The following MAP4K3 variants were observed in gnomAD, a reference collection of about 807,000 sequenced individuals.
MAP4K3 encodes mitogen-activated protein kinase kinase kinase kinase 3, also known as MAPK/ERK kinase kinase kinase 3.
MAP4K3 carries 94 observed loss-of-function variants against 143.5 expected under a neutral mutation model. The ratio of observed to expected loss-of-function variants is 0.65; its 90% CI spans 0.55 to 0.78. MAP4K3 has a LOEUF of 0.78. Among genes scored for constraint, MAP4K3 ranks in the 30% least tolerant of loss-of-function variants. The pLI is 0.00. For synonymous variants in MAP4K3, 416 were observed against 347.2 expected, an observed-to-expected ratio of 1.20 and a Z score of -2.20; for missense variants, 1,077 against 1,068.1, an observed-to-expected ratio of 1.01 and a Z score of -0.12.
At chr2:39,338,811 C>G (rs529184795) in intron 4 of MAP4K3, among the ~76,000 whole-genome samples, 1 of 152,302 alleles carries the variant, frequency 6.6e-6, no homozygotes, top group Non-Finnish European at 1.5e-5. Context: ...CCTTCCATCT[C>G]TTCTGCCATG....
chr2:39,283,130 T>C (rs1681611979), intron 21 of MAP4K3, among the ~76,000 whole-genome samples: 4 of 152,226 alleles, frequency 2.6e-5, no homozygotes, highest in Admixed American at 1.3e-4. Flanking sequence ...GATGCCTTTA[T>C]TGGTATACTG....
At chr2:39,355,971 T>A (rs1294207909) in intron 3 of MAP4K3, among the ~76,000 whole-genome samples, 1 of 152,230 alleles carries the variant, frequency 6.6e-6, no homozygotes, top group African/African-American at 2.4e-5. Context: ...GAATGGCATA[T>A]TTAGATCGCT....
chr2:39,437,257 G>A lies in MAP4K3; in HGVS notation c.-270C>T, dbSNP rs1056987515. On this transcript the variant is annotated 5_prime_UTR_variant, in exon 1 of 34. The change creates a premature stop within an existing upstream ORF in the 5' untranslated region. Transcript: ENST00000263881. ...GAGAGGAGAACCCTCGCAGCCCCTCGCTCGGGGTGAAACTCCAACATGGCT... is the reference window on the plus strand; with the variant it reads ...GAGAGGAGAACCCTCGCAGCCCCTCACTCGGGGTGAAACTCCAACATGGCT... The A allele has an allele frequency of 1.9e-5, 5 of 262,684 alleles. 1 individual carries two copies. The Admixed American group carries it at 2.2e-4, about 12-fold the overall frequency. 16.3% of individuals were successfully genotyped at this position (262,684 alleles called of 1,614,324 possible).
At chr2:39,319,947 A>T (rs1037267825) in intron 12 of MAP4K3, among the ~76,000 whole-genome samples, 5 of 152,186 alleles carry the variant, frequency 3.3e-5, no homozygotes, top group Admixed American at 2.6e-4. Flanking sequence ...TGAGTTTTTA[A>T]AAGTCCCCAA....
At chr2:39,256,252 ATC>A (rs1680338928) in intron 31 of MAP4K3, among the ~76,000 whole-genome samples, 1 of 152,200 alleles carries the variant, frequency 6.6e-6, no homozygotes, top group Non-Finnish European at 1.5e-5. Flanking sequence ...GCAAAAAATG[ATC>A]TTTTTATCTT....
rs544132780 is a variant in MAP4K3, at chr2:39,432,310, T to C, written c.96+4582A>G. On this transcript the variant is annotated intron_variant, in intron 1 of 33. Coordinates refer to ENST00000263881, the MANE Select transcript of MAP4K3 (RefSeq NM_003618.4). ...TAAGTACTTCCTTTAGGTAATCAGA[T>C]CTGCATCAAAGTCAGAAAACCTGTT... Among the ~76,000 whole-genome samples, 8 of 152,352 alleles carry C rather than the reference T, an allele frequency of 5.3e-5. No homozygotes were observed. In the South Asian group the frequency reaches 1.7e-3, roughly 32 times the overall value.
intron 1 of MAP4K3, among the ~76,000 whole-genome samples, chr2:39,401,501 C>T (rs1666952927): frequency 6.6e-6 from 1 of 152,094 alleles, no homozygotes; most frequent in Admixed American, 6.5e-5. Context: ...AACTGAGCTT[C>T]GAAATAATAC....
At chr2:39,261,468 A>G (rs1368715767) in intron 28 of MAP4K3, among the ~76,000 whole-genome samples, 1 of 152,232 alleles carries the variant, frequency 6.6e-6, no homozygotes, top group Non-Finnish European at 1.5e-5. Flanking sequence ...CGAATGGCTA[A>G]AATTAAAAAG....
chr2:39,337,593 G>T lies in MAP4K3; in HGVS notation c.311-12C>A, dbSNP rs1665004449. The T allele has an allele frequency of 6.3e-7, 1 of 1,590,772 alleles. No individual in the cohort carries two copies. Among genetic ancestry groups the T allele is most frequent in the Non-Finnish European group, 8.6e-7 (1 of 1,159,648 alleles). ...CAGAGGTCCAGTTACTGTAAAAGAA[G>T]ACAATTAATACTCATAAAATTAGTC... On this transcript the variant is annotated splice_polypyrimidine_tract_variant and intron_variant, in intron 4 of 33. Coordinates refer to ENST00000263881, the MANE Select transcript of MAP4K3 (RefSeq NM_003618.4).
chr2:39,408,262 G>C (rs989201889), intron 1 of MAP4K3, among the ~76,000 whole-genome samples: 3 of 152,104 alleles, frequency 2.0e-5, no homozygotes, highest in Non-Finnish European at 4.4e-5. Flanking sequence ...TTTGATATTA[G>C]ACAATGCCCC....
rs1447597423 is a variant in MAP4K3 at position 39,427,139 on chromosome 2, C to T, written c.96+9753G>A. Among the ~76,000 whole-genome samples the T allele has an allele frequency of 3.3e-5, 5 of 151,882 alleles. No individual in the cohort carries two copies. In the East Asian group the frequency reaches 9.6e-4, roughly 29 times the overall value. On this transcript the variant is annotated intron_variant, in intron 1 of 33. Coordinates refer to ENST00000263881, the MANE Select transcript of MAP4K3 (RefSeq NM_003618.4). ...ATATTGACAACAGACTTCTCCACAG[C>T]ACAACAGGTAACCAGAAGACAACAA...
intron 1 of MAP4K3, among the ~76,000 whole-genome samples, chr2:39,433,949 C>G (rs73924013): frequency 0.03 from 4,565 of 152,296 alleles, 231 homozygotes; most frequent in African/African-American, 0.1. Flanking sequence ...CACAACAAAA[C>G]AGCTCTGAGA....
At chr2:39,423,786 T>C (rs765072003) in intron 1 of MAP4K3, among the ~76,000 whole-genome samples, 4 of 152,164 alleles carry the variant, frequency 2.6e-5, no homozygotes, top group South Asian at 2.1e-4. Flanking sequence ...GATGAATAGA[T>C]AGAAAATGGA....
At chr2:39,299,015 T>A (rs1160934975) in intron 16 of MAP4K3, among the ~76,000 whole-genome samples, 2 of 150,120 alleles carry the variant, frequency 1.3e-5, no homozygotes, top group African/African-American at 4.9e-5. Flanking sequence ...ATTAAAATAA[T>A]ATATGCACTG....
At chr2:39,253,784 T>C (rs560319949) in intron 32 of MAP4K3, among the ~76,000 whole-genome samples, 2 of 152,380 alleles carry the variant, frequency 1.3e-5, no homozygotes, top group Non-Finnish European at 2.9e-5. Context: ...CAATTTTACG[T>C]GCTTGTAACA....
intron 4 of MAP4K3, among the ~76,000 whole-genome samples, chr2:39,338,072 C>CT (rs1286832786): frequency 2.0e-5 from 3 of 151,948 alleles, no homozygotes; most frequent in Non-Finnish European, 4.4e-5. Context: ...CAATTTTTTG[C>CT]TTTTTAAAAA....
At chr2:39,336,216 A>G (rs1218018253) in intron 6 of MAP4K3, among the ~76,000 whole-genome samples, 1 of 152,076 alleles carries the variant, frequency 6.6e-6, no homozygotes, top group Non-Finnish European at 1.5e-5. Context: ...TCACGTCTGT[A>G]ATCCTGGCAC....
Position 39,378,059 on chromosome 2 carries a change from A to C in MAP4K3, c.154+7T>G. On this transcript the variant is annotated splice_region_variant and intron_variant, in intron 2 of 33. Transcript: ENST00000263881. ...CAGTAAGAAAAAATGAATTTCAAAC[A>C]ATTTACCTGGTTCCAATTTTATTAC... 1 of 1,544,706 alleles carries C rather than the reference A, an allele frequency of 6.5e-7. No individual in the cohort carries two copies. Among genetic ancestry groups the C allele is most frequent in the South Asian group, 1.2e-5 (1 of 86,532 alleles).
In MAP4K3 at chr2:39,341,361, T is replaced by C. The variant is rs187388867; in HGVS notation, c.310+2027A>G. On this transcript the variant is annotated intron_variant, in intron 4 of 33. Coordinates refer to ENST00000263881, the MANE Select transcript of MAP4K3 (RefSeq NM_003618.4). Reference sequence around the variant, plus strand: ...AGGAAGTTTACCACTAAAATATCACTGAAAAAACTTCAGGAGGCCGGGCGT... The same window carrying C: ...AGGAAGTTTACCACTAAAATATCACCGAAAAAACTTCAGGAGGCCGGGCGT... Among the ~76,000 whole-genome samples the C allele has an allele frequency of 3.3e-4, 50 of 152,166 alleles. 1 individual carries two copies. In the East Asian group the frequency reaches 9.5e-3, roughly 29 times the overall value.
Sources: gnomAD v4.1 joint callset for allele counts (sites outside exome capture counted in the v4.1 genomes callset) on GRCh38, gnomAD v4.1.1 for gene constraint, MANE v1.5 for transcripts, NCBI Gene and HGNC (gene_info 2026-07-23, HGNC 2026-07-21) for gene names.